Variants in ENTREP2 observed in about 807,000 individuals in gnomAD.
ENTREP2 encodes the protein endosomal transmembrane epsin interactor 2.
the ENTREP2 span, among the ~76,000 whole-genome samples, chr15:29,302,320 G>T: frequency 6.6e-6 from 1 of 151,990 alleles, no homozygotes; most frequent in Non-Finnish European, 1.5e-5. Context: ...TCAACTTATC[G>T]TCTTGGTATT....
the ENTREP2 span, among the ~76,000 whole-genome samples, chr15:29,602,183 A>G: frequency 6.6e-5 from 10 of 152,386 alleles, no homozygotes; most frequent in African/African-American, 2.4e-4. Flanking sequence ...CCATGAGGGC[A>G]GGACCCATGA....
the ENTREP2 span, among the ~76,000 whole-genome samples, chr15:29,264,437 A>T: frequency 6.6e-6 from 1 of 152,208 alleles, no homozygotes; most frequent in African/African-American, 2.4e-5. Context: ...ACATGACAGA[A>T]ATCCACCTTA....
chr15:29,127,028 T>G, the ENTREP2 span, among the ~76,000 whole-genome samples: 1 of 152,246 alleles, frequency 6.6e-6, no homozygotes, highest in South Asian at 2.1e-4. Context: ...AAGCGGGGAA[T>G]GCAGACTCTC....
the ENTREP2 span, among the ~76,000 whole-genome samples, chr15:29,539,337 T>G: frequency 6.6e-6 from 1 of 151,972 alleles, no homozygotes; most frequent in Non-Finnish European, 1.5e-5. Flanking sequence ...AGGATCACAC[T>G]CTGAAACCCT....
chr15:29,303,075 C>T, the ENTREP2 span, among the ~76,000 whole-genome samples: 1 of 152,200 alleles, frequency 6.6e-6, no homozygotes, highest in African/African-American at 2.4e-5. Context: ...TGCATCCACT[C>T]CACCCTAAGC....
the ENTREP2 span, among the ~76,000 whole-genome samples, chr15:29,623,150 A>G: frequency 6.6e-6 from 1 of 152,210 alleles, no homozygotes; most frequent in Admixed American, 6.5e-5. Context: ...CACAATAAAA[A>G]GAGTGGATCA....
the ENTREP2 span, among the ~76,000 whole-genome samples, chr15:29,202,226 G>T: frequency 6.6e-6 from 1 of 151,838 alleles, no homozygotes; most frequent in Non-Finnish European, 1.5e-5. Context: ...TTTTTCATTG[G>T]TTTTTCTCCA....
chr15:29,621,964 A>T, the ENTREP2 span, among the ~76,000 whole-genome samples: 1 of 152,242 alleles, frequency 6.6e-6, no homozygotes, highest in African/African-American at 2.4e-5. Context: ...AGCTAATCAC[A>T]AAAGAACAAA....
At chr15:29,436,027 T>C in the ENTREP2 span, among the ~76,000 whole-genome samples, 2 of 152,206 alleles carry the variant, frequency 1.3e-5, no homozygotes, top group African/African-American at 4.8e-5. Context: ...ATCTGGGATC[T>C]GGGCAAAGTA....
chr15:29,332,477 GT>G, the ENTREP2 span, among the ~76,000 whole-genome samples: 1 of 152,134 alleles, frequency 6.6e-6, no homozygotes, highest in South Asian at 2.1e-4. Flanking sequence ...AAAGCTTTGA[GT>G]TTTTTTCCTG....
chr15:29,271,056 A>G, the ENTREP2 span, among the ~76,000 whole-genome samples: 2 of 152,230 alleles, frequency 1.3e-5, no homozygotes, highest in Non-Finnish European at 2.9e-5. Flanking sequence ...AGGAAAATGC[A>G]ATCTGATAAT....
At chr15:29,278,968 C>G in the ENTREP2 span, among the ~76,000 whole-genome samples, 1 of 152,210 alleles carries the variant, frequency 6.6e-6, no homozygotes. Context: ...CAGATGACCA[C>G]GTTCTCACTG....
the ENTREP2 span, among the ~76,000 whole-genome samples, chr15:29,639,394 G>A: frequency 0.054 from 8,202 of 152,204 alleles, 657 homozygotes; most frequent in African/African-American, 0.18. Context: ...GTTTGTGATT[G>A]AAGCATTTAT....
At chr15:29,437,174 GA>G in the ENTREP2 span, among the ~76,000 whole-genome samples, 1 of 152,122 alleles carries the variant, frequency 6.6e-6, no homozygotes, top group South Asian at 2.1e-4. Flanking sequence ...TCAGGTCATT[GA>G]AAAGAAATGA....
chr15:29,217,909 T>C, the ENTREP2 span, among the ~76,000 whole-genome samples: 1 of 152,166 alleles, frequency 6.6e-6, no homozygotes, highest in African/African-American at 2.4e-5. Context: ...CTGAAGGCTG[T>C]TGTTCAGATT....
the ENTREP2 span, among the ~76,000 whole-genome samples, chr15:29,661,059 A>AT: frequency 3.9e-5 from 6 of 151,984 alleles, no homozygotes; most frequent in African/African-American, 9.7e-5. Flanking sequence ...TAATTACAGC[A>AT]TTTTTTTGCT....
the ENTREP2 span, among the ~76,000 whole-genome samples, chr15:29,581,703 C>G: frequency 1.3e-5 from 2 of 149,844 alleles, no homozygotes; most frequent in African/African-American, 4.9e-5. Context: ...AAAATCCCAG[C>G]AAGTTGGTTT....
the ENTREP2 span, among the ~76,000 whole-genome samples, chr15:29,358,331 A>G: frequency 6.6e-6 from 1 of 152,234 alleles, no homozygotes; most frequent in African/African-American, 2.4e-5. Flanking sequence ...CAAGTAATCA[A>G]AGAACATAAA....
chr15:29,310,936 T>A, the ENTREP2 span, among the ~76,000 whole-genome samples: 2 of 151,880 alleles, frequency 1.3e-5, no homozygotes, highest in Admixed American at 1.3e-4. Context: ...AGTAAATAAT[T>A]TAGAAACAGC....
Sources: allele counts gnomAD v4.1 joint callset (sites outside exome capture counted in the v4.1 genomes callset), GRCh38; gene constraint gnomAD v4.1.1; transcripts MANE v1.5; gene names NCBI Gene and HGNC (gene_info 2026-07-23, HGNC 2026-07-21).